Variants in RDH12 observed in about 807,000 individuals in gnomAD.
RDH12 encodes the protein all-trans and 9-cis retinol dehydrogenase.
Under a neutral mutation model 34.0 loss-of-function variants are expected in RDH12, and 21 were observed. The ratio of observed to expected loss-of-function variants is 0.62; its 90% CI spans 0.44 to 0.89. The LOEUF is 0.89. Among genes scored for constraint, RDH12 ranks in the 40% least tolerant of loss-of-function variants. RDH12 has a pLI of 0.00. For missense variants in RDH12, 394 were observed against 398.6 expected, an observed-to-expected ratio of 0.99 and a Z score of 0.10; for synonymous variants, 198 against 169.9, an observed-to-expected ratio of 1.17 and a Z score of -1.29.
chr14:67,731,207 C>CTTTTTTTTTTTTTT (rs71129853), intron 8 of RDH12, among the ~76,000 whole-genome samples: 13 of 90,604 alleles, frequency 1.4e-4, no homozygotes, highest in Middle Eastern at 9.6e-3. Context: ...TTCTTTCTTT[C>CTTTTTTTTTTTTTT]TTTTTTTTTT....
chr14:67,717,193 A>G (rs929134145), intron 1 of RDH12, among the ~76,000 whole-genome samples: 2 of 152,164 alleles, frequency 1.3e-5, no homozygotes, highest in Non-Finnish European at 2.9e-5. Flanking sequence ...AGTCTTAAGT[A>G]TATATTTGCT....
Position 67,726,141 on chromosome 14 carries a change from G to T in RDH12, c.434G>T (p.Gly145Val). 6.2e-7 allele frequency: 1 copy of T among 1,608,588 alleles called. No homozygotes were observed. The highest frequency in any genetic ancestry group is 8.5e-7 in the Non-Finnish European group (1 of 1,174,956). ...GCTGATGGCTTTGAAACCCACCTGG[G>T]AGTCAACCACCTGGGTAAGTATCTT... Reference protein sequence around the residue: ...KTADGFETHLGVNHLGHFLLT... With the variant: ...KTADGFETHLVVNHLGHFLLT... The change falls in exon 6 of 9, where the codon GGA becomes GTA. Residue 145 changes from glycine to valine, a missense_variant. By Grantham distance (109) the Gly-to-Val change is moderately radical (BLOSUM62 -3). Transcript: ENST00000551171.
At chr14:67,712,238 A>G (rs2140118218) in intron 1 of RDH12, among the ~76,000 whole-genome samples, 1 of 149,082 alleles carries the variant, frequency 6.7e-6, no homozygotes, top group Middle Eastern at 3.4e-3. Flanking sequence ...CCTGTCTTTT[A>G]ACTGGATCTC....
intron 5 of RDH12, 110 bp from the exon 6 acceptor site, chr14:67,725,941 C>A: frequency 1.2e-6 from 1 of 813,666 alleles, no homozygotes; most frequent in Non-Finnish European, 2.2e-6. Context: ...AAAATGTTAC[C>A]CCAACAAAGA....
rs375790626 is a variant in RDH12, at chr14:67,715,827, A to G, written c.-274-5021A>G. ...CCACTATTTATTGCATGTCTGCTTC[A>G]TGCAAACCTTGGTTCCATGTGCTGG... On this transcript the variant is annotated intron_variant, in intron 1 of 8. Coordinates refer to ENST00000551171, the MANE Select transcript of RDH12 (RefSeq NM_152443.3). Among the ~76,000 whole-genome samples the G allele has an allele frequency of 3.0e-4, 46 of 152,352 alleles. 1 individual carries two copies. The highest frequency in any genetic ancestry group is 1.1e-3 in the African/African-American group (45 of 41,584).
intron 1 of RDH12, chr14:67,714,753 C>A (rs1053497844): frequency 2.0e-5 from 3 of 152,284 alleles, no homozygotes; most frequent in Non-Finnish European, 2.9e-5. Flanking sequence ...TGAAAAGAGA[C>A]TAAGGGATTT....
chr14:67,728,451 C>G (rs919998336), intron 7 of RDH12, among the ~76,000 whole-genome samples: 1 of 152,166 alleles, frequency 6.6e-6, no homozygotes, highest in Non-Finnish European at 1.5e-5. Context: ...CAAATGCAGA[C>G]AGTCCATTCC....
intron 1 of RDH12, among the ~76,000 whole-genome samples, chr14:67,703,993 T>C (rs948593161): frequency 2.6e-5 from 4 of 152,230 alleles, no homozygotes; most frequent in Admixed American, 2.6e-4. Context: ...TGTCTTAATG[T>C]TTGAGAATCT....
intron 1 of RDH12, among the ~76,000 whole-genome samples, chr14:67,720,299 A>G (rs2038109859): frequency 6.6e-6 from 1 of 152,166 alleles, no homozygotes; most frequent in African/African-American, 2.4e-5. Context: ...TCTTGTCTTC[A>G]AAGCCTGTTA....
Position 67,722,694 on chromosome 14 carries a change from G to A in RDH12, c.52G>A (p.Val18Ile). 6.2e-7 allele frequency: 1 copy of A among 1,613,818 alleles called. No homozygotes were observed. The highest frequency in any genetic ancestry group is 8.5e-7 in the Non-Finnish European group (1 of 1,179,730). Residue 18 changes from valine to isoleucine, a missense_variant, in exon 3 of 9, where the codon GTA becomes ATA. Transcript: ENST00000551171. ...CTCCTTCTTCTCGTTCCTGTATATG[G>A]TAGCTCCATCCATCAGGTTTGTCTT... ...LTSFFSFLYM[V>I]APSIRKFFAG...
At chr14:67,715,391 G>T (rs796163404) in intron 1 of RDH12, among the ~76,000 whole-genome samples, 9 of 152,294 alleles carry the variant, frequency 5.9e-5, no homozygotes, top group African/African-American at 1.7e-4. Context: ...AAAACATTTT[G>T]TCTAAGAGGC....
intron 1 of RDH12, among the ~76,000 whole-genome samples, chr14:67,709,229 T>C (rs61991865): frequency 0.45 from 68,291 of 152,140 alleles, 17,888 homozygotes; most frequent in Non-Finnish European, 0.61. Context: ...AAATAAGTTA[T>C]TCATTTAACC....
At chr14:67,710,469 CT>C (rs2037998469) in intron 1 of RDH12, among the ~76,000 whole-genome samples, 1 of 152,150 alleles carries the variant, frequency 6.6e-6, no homozygotes. Flanking sequence ...CATGCTTGGA[CT>C]TTCCAGTTTG....
intron 1 of RDH12, among the ~76,000 whole-genome samples, chr14:67,719,266 T>G (rs1000415132): frequency 3.3e-5 from 5 of 152,224 alleles, no homozygotes; most frequent in Admixed American, 6.5e-5. Flanking sequence ...TCCCTTTCAA[T>G]GTCAGTATTA....
intron 8 of RDH12, among the ~76,000 whole-genome samples, chr14:67,732,951 A>G (rs1263597320): frequency 6.6e-6 from 1 of 152,100 alleles, no homozygotes; most frequent in African/African-American, 2.4e-5. Context: ...TAATTAGAAA[A>G]AAGGAACATT....
intron 6 of RDH12, 146 bp from the exon 7 acceptor site, chr14:67,726,835 C>T: frequency 2.8e-6 from 2 of 725,098 alleles, no homozygotes; most frequent in Non-Finnish European, 4.9e-6. Context: ...AAACTCAGAC[C>T]AAACTGACCA....
At chr14:67,721,796 T>C (rs1026860236) in intron 2 of RDH12, among the ~76,000 whole-genome samples, 2 of 150,758 alleles carry the variant, frequency 1.3e-5, no homozygotes, top group African/African-American at 2.4e-5. Flanking sequence ...AACCATATAT[T>C]ATATATATAA....
At chr14:67,703,826 C>T (rs1338104204) in intron 1 of RDH12, among the ~76,000 whole-genome samples, 1 of 151,970 alleles carries the variant, frequency 6.6e-6, no homozygotes, top group East Asian at 1.9e-4. Context: ...CAGGTGCATA[C>T]CACCGTGCCT....
intron 6 of RDH12, 104 bp from the exon 7 acceptor site, chr14:67,726,877 A>G (rs997229833): frequency 2.0e-6 from 2 of 1,019,404 alleles, no homozygotes; most frequent in Non-Finnish European, 3.0e-6. Context: ...AAATTGGTTC[A>G]CACCCAGAAG....
Sources: gnomAD v4.1 joint callset for allele counts (sites outside exome capture counted in the v4.1 genomes callset) on GRCh38, gnomAD v4.1.1 for gene constraint, MANE v1.5 for transcripts, NCBI Gene and HGNC (gene_info 2026-07-23, HGNC 2026-07-21) for gene names.